GAS2L3: variants seen among roughly 807,000 people sequenced by gnomAD.
The protein encoded by GAS2L3 is GAS2-like protein 3.
A neutral mutation model predicts 37.0 loss-of-function variants in GAS2L3; 28 were observed. The observed-to-expected ratio is 0.76, with a 90% CI of 0.56 to 1.04. GAS2L3 has a LOEUF of 1.04. GAS2L3 is among the 50% of genes least tolerant of loss of function. The probability of loss-of-function intolerance (pLI) is 0.00; values close to 1 mark genes in which losing one functional copy is unlikely to be tolerated. For synonymous variants in GAS2L3, 290 were observed against 296.6 expected, an observed-to-expected ratio of 0.98 and a Z score of 0.23; for missense variants, 793 against 817.6, an observed-to-expected ratio of 0.97 and a Z score of 0.37.
chr12:100,600,379 T>C lies in GAS2L3; in HGVS notation c.19-3T>C. On this transcript the variant is annotated splice_polypyrimidine_tract_variant and splice_region_variant and intron_variant, in intron 3 of 9. Coordinates refer to ENST00000547754, the MANE Select transcript of GAS2L3 (RefSeq NM_174942.3). The stretch of plus-strand genomic sequence containing the variant: ...TCAGTTGATTGATTTTTTTTTTCTT[T>C]AGGTATGGTTTGGAGAAGATCTGCC... The C allele has an allele frequency of 6.4e-7, 1 of 1,560,570 alleles. No individual in the cohort carries two copies. Among genetic ancestry groups the C allele is most frequent in the South Asian group, 1.2e-5 (1 of 84,186 alleles).
rs1956346512 is a variant in GAS2L3, at chr12:100,627,821, G to A, written c.*2931G>A. 1 of 152,126 alleles carries A rather than the reference G, an allele frequency of 6.6e-6. No individual in the cohort carries two copies. Among genetic ancestry groups the A allele is most frequent in the Non-Finnish European group, 1.5e-5 (1 of 68,016 alleles). 9.4% of individuals were successfully genotyped at this position (152,126 alleles called of 1,614,324 possible). Reference sequence around the variant, plus strand: ...GCTTAAATTACTGAAGTACCTGGGAGAAGTAATGATGTGTACTTTCAAAAA... The same window carrying A: ...GCTTAAATTACTGAAGTACCTGGGAAAAGTAATGATGTGTACTTTCAAAAA... On this transcript the variant is annotated 3_prime_UTR_variant, in exon 10 of 10. Transcript: ENST00000547754.
intron 1 of GAS2L3, among the ~76,000 whole-genome samples, chr12:100,588,993 A>G (rs1955814051): frequency 6.6e-6 from 1 of 152,138 alleles, no homozygotes; most frequent in African/African-American, 2.4e-5. Flanking sequence ...CATGTTTTAC[A>G]ATCAATTTGT....
At chr12:100,576,404 C>T (rs546852130) in intron 1 of GAS2L3, among the ~76,000 whole-genome samples, 13 of 152,150 alleles carry the variant, frequency 8.5e-5, no homozygotes, top group South Asian at 4.2e-4. Context: ...CTTACAGTAA[C>T]GTGTGTATTT....
chr12:100,574,085 G>T (rs1396139968), intron 1 of GAS2L3: 1 of 152,412 alleles, frequency 6.6e-6, no homozygotes, highest in Non-Finnish European at 1.5e-5. Flanking sequence ...CTGCTGGTGT[G>T]GGCGAGCTCA....
At chr12:100,584,013 A>G (rs554056025) in intron 1 of GAS2L3, among the ~76,000 whole-genome samples, 1 of 152,316 alleles carries the variant, frequency 6.6e-6, no homozygotes, top group South Asian at 2.1e-4. Flanking sequence ...CATCGATAGC[A>G]GAAACATTGT....
chr12:100,610,716 C>A (rs1956117159), intron 5 of GAS2L3, among the ~76,000 whole-genome samples: 1 of 152,090 alleles, frequency 6.6e-6, no homozygotes, highest in East Asian at 1.9e-4. Flanking sequence ...ACTGCATTAA[C>A]AAAGATCATA....
chr12:100,589,757 A>C (rs557433247), intron 1 of GAS2L3, among the ~76,000 whole-genome samples: 27 of 152,342 alleles, frequency 1.8e-4, no homozygotes, highest in South Asian at 4.1e-4. Context: ...TAGAGAACCC[A>C]GAAATAAACC....
chr12:100,599,124 C>G (rs1309627685), intron 3 of GAS2L3, among the ~76,000 whole-genome samples: 2 of 152,126 alleles, frequency 1.3e-5, no homozygotes, highest in Non-Finnish European at 2.9e-5. Context: ...CCAAGCCACC[C>G]CACTCTTGGA....
Position 100,600,438 on chromosome 12 carries a change from C to T in GAS2L3, c.75C>T (p.His25=), listed in dbSNP as rs567332348. 17 of 1,611,882 alleles carry T rather than the reference C, an allele frequency of 1.1e-5. No homozygotes were observed. The highest frequency in any genetic ancestry group is 3.3e-5 in the South Asian group (3 of 90,916). ...CTCGGAGTCCTCTGACTCCCAGACACGGACCAGGATTGGCTAATGTTTGTC... is the reference window on the plus strand; with the variant it reads ...CTCGGAGTCCTCTGACTCCCAGACATGGACCAGGATTGGCTAATGTTTGTC... ...LSPRSPLTPR[H]GPGLANVCQY... The change falls in exon 4 of 10, where the codon CAC becomes CAT. Residue 25 remains histidine, a synonymous_variant. Coordinates refer to ENST00000547754, the MANE Select transcript of GAS2L3 (RefSeq NM_174942.3).
At chr12:100,580,282 G>A in intron 1 of GAS2L3, 1 of 415,242 alleles carries the variant, frequency 2.4e-6, no homozygotes, top group Non-Finnish European at 4.3e-6. Flanking sequence ...GGGGGCTTGT[G>A]TTTTTTATTA....
intron 1 of GAS2L3, among the ~76,000 whole-genome samples, chr12:100,576,645 A>C (rs1453470963): frequency 6.6e-6 from 1 of 152,192 alleles, no homozygotes; most frequent in Non-Finnish European, 1.5e-5. Context: ...AATGCTTCAG[A>C]AGTAATGTTT....
At chr12:100,582,005 T>C (rs1303653339) in intron 1 of GAS2L3, among the ~76,000 whole-genome samples, 4 of 152,234 alleles carry the variant, frequency 2.6e-5, no homozygotes, top group African/African-American at 4.8e-5. Flanking sequence ...ATCTTAATTT[T>C]CAACTTTCCT....
At chr12:100,574,146 G>T (rs1955606731) in intron 1 of GAS2L3, 1 of 152,306 alleles carries the variant, frequency 6.6e-6, no homozygotes, top group South Asian at 2.1e-4. Flanking sequence ...AATCCAGAGC[G>T]GTATCAGAGC....
chr12:100,580,765 C>A (rs1955700992), intron 1 of GAS2L3, among the ~76,000 whole-genome samples: 1 of 152,302 alleles, frequency 6.6e-6, no homozygotes, highest in Admixed American at 6.5e-5. Flanking sequence ...GTTACCAGCA[C>A]ATTTTGAGCA....
intron 3 of GAS2L3, among the ~76,000 whole-genome samples, chr12:100,597,695 G>A (rs1418227385): frequency 6.7e-6 from 1 of 149,040 alleles, no homozygotes; most frequent in African/African-American, 2.5e-5. Context: ...CATTTTCTTT[G>A]TTTGCCTTGG....
At chr12:100,584,870 C>A (rs1020030431) in intron 1 of GAS2L3, among the ~76,000 whole-genome samples, 2 of 146,624 alleles carry the variant, frequency 1.4e-5, no homozygotes, top group African/African-American at 5.1e-5. Context: ...TGTGCTTGGG[C>A]CCTACTTGAA....
At position 100,623,553 on chromosome 12, in the gene GAS2L3, T is replaced by C. The variant is rs765964815; in HGVS notation, c.757-9T>C. 6.3e-7 allele frequency: 1 copy of C among 1,583,234 alleles called. No individual in the cohort carries two copies. The highest frequency in any genetic ancestry group is 8.6e-7 in the Non-Finnish European group (1 of 1,167,436). On this transcript the variant is annotated splice_polypyrimidine_tract_variant and intron_variant, in intron 9 of 9. Coordinates refer to ENST00000547754, the MANE Select transcript of GAS2L3 (RefSeq NM_174942.3). ...TACAGCTTTACTTTTTGTTTTCCTT[T>C]GGGGGCAGATGCTTCATGGAAAACA...
At chr12:100,608,826 T>C (rs1331297751) in intron 5 of GAS2L3, among the ~76,000 whole-genome samples, 1 of 152,142 alleles carries the variant, frequency 6.6e-6, no homozygotes, top group Non-Finnish European at 1.5e-5. Flanking sequence ...TCTTAAACCT[T>C]AGAAATTTAC....
chr12:100,614,544 G>A (rs1248883613), intron 6 of GAS2L3, among the ~76,000 whole-genome samples: 3 of 152,000 alleles, frequency 2.0e-5, no homozygotes, highest in African/African-American at 7.2e-5. Flanking sequence ...ATTGAGATAT[G>A]CTGTACATAA....
Sources: allele counts gnomAD v4.1 joint callset (sites outside exome capture counted in the v4.1 genomes callset), GRCh38; gene constraint gnomAD v4.1.1; transcripts MANE v1.5; gene names NCBI Gene and HGNC (gene_info 2026-07-23, HGNC 2026-07-21).